ZNF385C: variants seen among roughly 807,000 people sequenced by gnomAD.
The protein encoded by ZNF385C is zinc finger protein 385C.
A neutral mutation model predicts 35.4 loss-of-function variants in ZNF385C; 28 were observed. The observed-to-expected ratio is 0.79, with a 90% CI of 0.59 to 1.08. ZNF385C has a LOEUF of 1.08. Ranked by LOEUF, ZNF385C falls within the 50% of genes least tolerant of loss-of-function variation. ZNF385C has a pLI of 0.00. For synonymous variants in ZNF385C, 248 were observed against 248.2 expected (o/e 1.00, Z 0.01); for missense variants, 605 against 595.6 (o/e 1.02, Z -0.16).
rs12450334 is a variant in ZNF385C at position 42,068,529 on chromosome 17, G to C, written c.-2-5471C>G. On this transcript the variant is annotated intron_variant, in intron 1 of 8. Transcript: ENST00000692273. ...AAAAAGGGTCTTTTTTCTTTTTTGG[G>C]GGGGATAGGGTTTGACTACGTTTCC... 9.0e-3 allele frequency among the ~76,000 whole-genome samples: 1,361 copies of C among 152,020 alleles called. 9 individuals are homozygous for C. Among genetic ancestry groups the C allele is most frequent in the Non-Finnish European group, 0.013 (862 of 67,956 alleles).
chr17:42,096,396 C>T (rs2053918145), intron 1 of ZNF385C, among the ~76,000 whole-genome samples: 2 of 152,172 alleles, frequency 1.3e-5, no homozygotes, highest in African/African-American at 2.4e-5. Context: ...CCTGCTGATG[C>T]CTCATCCCAC....
intron 1 of ZNF385C, among the ~76,000 whole-genome samples, chr17:42,076,618 T>C (rs2053689127): frequency 6.6e-6 from 1 of 151,116 alleles, no homozygotes; most frequent in Non-Finnish European, 1.5e-5. Flanking sequence ...TGAGACTCTG[T>C]CTCAAACAAA....
chr17:42,041,082 GC>G, intron 2 of ZNF385C: 1 of 1,232,400 alleles, frequency 8.1e-7, no homozygotes, highest in Non-Finnish European at 1.0e-6. Flanking sequence ...ACAGGGCCAG[GC>G]TGTGTGACTC....
At chr17:42,069,946 G>A (rs576743424) in intron 1 of ZNF385C, among the ~76,000 whole-genome samples, 1 of 152,322 alleles carries the variant, frequency 6.6e-6, no homozygotes, top group South Asian at 2.1e-4. Context: ...GGAGGCTGAG[G>A]CAGGAGAATT....
rs1449416250 is a variant in ZNF385C at position 42,043,436 on chromosome 17, C to A, written c.251-5551G>T. On this transcript the variant is annotated intron_variant, in intron 2 of 8. Transcript: ENST00000692273. Reference sequence around the variant, plus strand: ...CCTGAATGCTCTTGCCCCCCTGCCTCCCCCACACACAGGCACCTCCCTTGA... The same window carrying A: ...CCTGAATGCTCTTGCCCCCCTGCCTACCCCACACACAGGCACCTCCCTTGA... The A allele has an allele frequency of 2.5e-6, 3 of 1,215,676 alleles. No homozygotes were observed. The African/African-American group carries it at 4.7e-5, about 19-fold the overall frequency. The allele number at this position is 1,215,676 out of a possible 1,614,324, so 75.3% of individuals were successfully genotyped here.
chr17:42,073,262 C>A (rs1437950963), intron 1 of ZNF385C, among the ~76,000 whole-genome samples: 1 of 152,026 alleles, frequency 6.6e-6, no homozygotes, highest in South Asian at 2.1e-4. Flanking sequence ...CATGGTGAAA[C>A]CCTGTCTCTA....
chr17:42,086,846 T>TA (rs1188394688), intron 1 of ZNF385C, among the ~76,000 whole-genome samples: 3 of 150,190 alleles, frequency 2.0e-5, no homozygotes, highest in African/African-American at 7.3e-5. Context: ...TTTTTTTTTT[T>TA]AGATAGAGTT....
chr17:42,027,537 C>T lies in ZNF385C; in HGVS notation c.1275+81G>A, dbSNP rs527271190. On this transcript the variant is annotated intron_variant, in intron 8 of 8. Coordinates refer to ENST00000692273, the MANE Select transcript of ZNF385C (RefSeq NM_001392013.1). Reference sequence around the variant, plus strand: ...AGGGTGGCCTCTTTTCCTGCCCCACCGCAGCCCCCCCATCTGGCCCTCCCA... The same window carrying T: ...AGGGTGGCCTCTTTTCCTGCCCCACTGCAGCCCCCCCATCTGGCCCTCCCA... 1.0e-4 allele frequency: 122 copies of T among 1,208,694 alleles called. 1 individual carries two copies. The East Asian group carries it at 2.8e-3, about 28-fold the overall frequency. 74.9% of individuals were successfully genotyped at this position (1,208,694 alleles called of 1,614,324 possible). A position where few individuals can be genotyped will look rare whatever the true frequency, so the allele number is the denominator to read the frequency against.
At chr17:42,047,491 G>A (rs1555656733) in intron 2 of ZNF385C, among the ~76,000 whole-genome samples, 1 of 151,956 alleles carries the variant, frequency 6.6e-6, no homozygotes, top group Admixed American at 6.6e-5. Flanking sequence ...CTCTGAGACT[G>A]CAGTAACTGT....
At chr17:42,097,804 G>A (rs1314200866) in intron 1 of ZNF385C, among the ~76,000 whole-genome samples, 1 of 152,182 alleles carries the variant, frequency 6.6e-6, no homozygotes, top group East Asian at 1.9e-4. Context: ...CCGGCTCTGT[G>A]ACACAGACAC....
intron 1 of ZNF385C, among the ~76,000 whole-genome samples, chr17:42,092,408 A>G (rs2053871872): frequency 6.6e-6 from 1 of 152,174 alleles, no homozygotes; most frequent in African/African-American, 2.4e-5. Flanking sequence ...CGTGTCAAAA[A>G]AAAAAAAGAA....
intron 1 of ZNF385C, among the ~76,000 whole-genome samples, chr17:42,088,051 T>A (rs534009851): frequency 4.6e-5 from 7 of 152,240 alleles, no homozygotes; most frequent in African/African-American, 7.2e-5. Context: ...ATTTTTTTTT[T>A]AATCGACACT....
intron 1 of ZNF385C, among the ~76,000 whole-genome samples, chr17:42,090,565 G>C (rs952102026): frequency 6.6e-6 from 1 of 151,006 alleles, no homozygotes; most frequent in Non-Finnish European, 1.5e-5. Flanking sequence ...GATTACAGAC[G>C]TGAGCCACCA....
At chr17:42,076,768 A>G (rs183533502) in intron 1 of ZNF385C, among the ~76,000 whole-genome samples, 39 of 152,250 alleles carry the variant, frequency 2.6e-4, no homozygotes, top group East Asian at 1.2e-3. Flanking sequence ...CCTTTATACC[A>G]TGGTGCTTCT....
At chr17:42,039,847 C>T in intron 2 of ZNF385C, 1 of 1,231,824 alleles carries the variant, frequency 8.1e-7, no homozygotes, top group Non-Finnish European at 1.0e-6. Flanking sequence ...CCCGGCCCCA[C>T]TCTGCCCCCA....
chr17:42,040,134 C>G (rs1283018004), intron 2 of ZNF385C: 1 of 1,231,338 alleles, frequency 8.1e-7, no homozygotes, highest in Middle Eastern at 3.1e-4. Context: ...CATGCGTGCC[C>G]AGCTCCTCCG....
intron 1 of ZNF385C, among the ~76,000 whole-genome samples, chr17:42,066,622 C>A (rs1223638722): frequency 6.6e-5 from 10 of 152,106 alleles, no homozygotes; most frequent in African/African-American, 2.4e-4. Flanking sequence ...TGAATTATGT[C>A]CCCCAAAATT....
At chr17:42,039,684 G>C (rs2052957788) in intron 2 of ZNF385C, 1 of 1,232,224 alleles carries the variant, frequency 8.1e-7, no homozygotes, top group Admixed American at 4.2e-5. Flanking sequence ...GGCTGGATGG[G>C]CCGAGGGAAG....
intron 2 of ZNF385C, among the ~76,000 whole-genome samples, chr17:42,060,912 G>A (rs1290619392): frequency 2.6e-5 from 4 of 151,796 alleles, no homozygotes; most frequent in African/African-American, 4.8e-5. Context: ...ATGAGGTTTC[G>A]CCATGTTGCC....
Sources: gnomAD v4.1 joint callset for allele counts (sites outside exome capture counted in the v4.1 genomes callset) on GRCh38, gnomAD v4.1.1 for gene constraint, MANE v1.5 for transcripts, NCBI Gene and HGNC (gene_info 2026-07-23, HGNC 2026-07-21) for gene names.